Variants in AFF4 observed in about 807,000 individuals in gnomAD.
AFF4 encodes ALF transcription elongation factor 4, also known as AF4/FMR2 family member 4.
In AFF4, 13 loss-of-function variants were observed where a neutral mutation model predicts 124.8. That is an observed-to-expected ratio of 0.10 (90% CI 0.07 to 0.17). The LOEUF (loss-of-function observed/expected upper bound fraction) is 0.17, where lower values mean the gene tolerates loss of function less well. AFF4 is among the 10% of genes least tolerant of loss of function. The pLI is 1.00. For missense variants in AFF4, 1,092 were observed against 1,403.8 expected (o/e 0.78, Z 3.55); for synonymous variants, 477 against 496.1 (o/e 0.96, Z 0.51).
intron 5 of AFF4, among the ~76,000 whole-genome samples, chr5:132,920,690 G>A (rs955578513): frequency 7.2e-5 from 11 of 152,050 alleles, no homozygotes; most frequent in Admixed American, 1.3e-4. Context: ...ATCATGACCC[G>A]TAAAAGAAAA....
chr5:132,958,473 A>C (rs1316066103), intron 1 of AFF4, among the ~76,000 whole-genome samples: 1 of 150,186 alleles, frequency 6.7e-6, no homozygotes, highest in Admixed American at 6.6e-5. Flanking sequence ...CTCAAAAAAA[A>C]AAAAAAAAAA....
At chr5:132,912,063 G>A (rs997511371) in intron 5 of AFF4, among the ~76,000 whole-genome samples, 1 of 150,214 alleles carries the variant, frequency 6.7e-6, no homozygotes, top group Non-Finnish European at 1.5e-5. Flanking sequence ...CCAGATAATA[G>A]TAAAATGGGC....
At chr5:132,943,861 A>G (rs954309918) in intron 1 of AFF4, 3 of 225,108 alleles carry the variant, frequency 1.3e-5, no homozygotes, top group Non-Finnish European at 2.9e-5. Context: ...CACTGCCTGC[A>G]AGTTTCCTGA....
At chr5:132,904,314 T>C (rs964883775) in intron 6 of AFF4, 54 bp downstream of exon 6, 9 of 1,480,912 alleles carry the variant, frequency 6.1e-6, no homozygotes, top group Non-Finnish European at 8.4e-6. Flanking sequence ...CCATGAAAAC[T>C]GAATGTTCAA....
At chr5:132,909,363 G>C (rs1219553999) in intron 5 of AFF4, among the ~76,000 whole-genome samples, 1 of 151,918 alleles carries the variant, frequency 6.6e-6, no homozygotes, top group Non-Finnish European at 1.5e-5. Flanking sequence ...GGCTGGTCTT[G>C]AACTCCTGAT....
In AFF4 at chr5:132,898,360, C is replaced by T. The variant is rs1341482303; in HGVS notation, c.1259G>A (p.Gly420Glu). 2 of 1,614,152 alleles carry T rather than the reference C, an allele frequency of 1.2e-6. No individual in the cohort carries two copies. Among genetic ancestry groups the T allele is most frequent in the African/African-American group, 1.3e-5 (1 of 75,026 alleles). The change falls in exon 10 of 21, where the codon GGA becomes GAA. Residue 420 changes from glycine (G) to glutamate (E), a missense_variant. This residue lies in a region of AFF4 where 148 missense variants were observed against 196.3 expected (regional missense o/e 0.75). Coordinates refer to ENST00000265343, the MANE Select transcript of AFF4 (RefSeq NM_014423.4). ...AGAATCATCCCTGGAGTTATCTGCT[C>T]CTTCACTATTATGGTGTGAAGGTTC... ...NSEPSHHNSE[G>E]ADNSRDDSSS...
At chr5:132,940,287 C>T (rs573873701) in intron 1 of AFF4, among the ~76,000 whole-genome samples, 2 of 151,758 alleles carry the variant, frequency 1.3e-5, no homozygotes, top group Admixed American at 1.3e-4. Flanking sequence ...ATCACAAGGT[C>T]AGGAGATTGA....
chr5:132,928,346 A>G (rs1414695683), intron 4 of AFF4, among the ~76,000 whole-genome samples: 2 of 152,172 alleles, frequency 1.3e-5, no homozygotes, highest in African/African-American at 2.4e-5. Flanking sequence ...ACCTTGCACA[A>G]AGGTCATCAA....
At chr5:132,914,344 T>C (rs1336831641) in intron 5 of AFF4, among the ~76,000 whole-genome samples, 1 of 152,124 alleles carries the variant, frequency 6.6e-6, no homozygotes, top group Non-Finnish European at 1.5e-5. Flanking sequence ...GGCTCACGCC[T>C]GTAATCCCAG....
Position 132,875,935 on chromosome 5 carries a change from A to C in AFF4, c.*5124T>G. ...CTTTCTGCAAAATCAACAGGCTTTTAATTTATCAGTGACATTATCTCCCCT... is the reference window on the plus strand; with the variant it reads ...CTTTCTGCAAAATCAACAGGCTTTTCATTTATCAGTGACATTATCTCCCCT... On this transcript the variant is annotated 3_prime_UTR_variant, in exon 21 of 21. Transcript: ENST00000265343. 1.3e-5 allele frequency: 3 copies of C among 226,302 alleles called. No homozygotes were observed. The East Asian group carries it at 1.9e-4, about 14-fold the overall frequency. The allele number at this position is 226,302 out of a possible 1,614,324, so 14.0% of individuals were successfully genotyped here. A position where few individuals can be genotyped will look rare whatever the true frequency, so the allele number is the denominator to read the frequency against.
At chr5:132,908,341 C>T (rs986854705) in intron 5 of AFF4, among the ~76,000 whole-genome samples, 2 of 151,858 alleles carry the variant, frequency 1.3e-5, no homozygotes, top group African/African-American at 2.4e-5. Context: ...AAAGGTATGA[C>T]GCTAAGATGG....
At chr5:132,882,942 G>C (rs1350645738) in intron 20 of AFF4, among the ~76,000 whole-genome samples, 7 of 151,612 alleles carry the variant, frequency 4.6e-5, no homozygotes. Context: ...TCCAGTATGA[G>C]CATGCTTTCT....
At chr5:132,962,222 T>G (rs1295784505) in intron 1 of AFF4, among the ~76,000 whole-genome samples, 3 of 152,254 alleles carry the variant, frequency 2.0e-5, no homozygotes, top group Non-Finnish European at 4.4e-5. Context: ...GAAACGAAGC[T>G]TTGCGCTTTT....
chr5:132,948,924 A>G lies in AFF4; in HGVS notation c.-4-11731T>C, dbSNP rs1032332918. ...GACCTTATTTACACTTTGATGAATT[A>G]TGTGTGTACTTAACCTAAACTGTGC... On this transcript the variant is annotated intron_variant, in intron 1 of 20. Transcript: ENST00000265343. Among the ~76,000 whole-genome samples the G allele has an allele frequency of 2.0e-5, 3 of 152,066 alleles. No individual in the cohort carries two copies. The South Asian group carries it at 6.2e-4, about 31-fold the overall frequency.
chr5:132,950,785 T>C (rs888906656), intron 1 of AFF4, among the ~76,000 whole-genome samples: 6 of 152,252 alleles, frequency 3.9e-5, no homozygotes, highest in Non-Finnish European at 8.8e-5. Context: ...CGAATCTTCC[T>C]AACAAAGAAC....
In AFF4 at chr5:132,892,474, CTT is replaced by C. The variant is rs1045667129; in HGVS notation, c.2397-72_2397-71del. 1.6e-5 allele frequency: 24 copies of C among 1,522,504 alleles called. 1 individual carries two copies. The East Asian group carries it at 1.6e-4, about 10-fold the overall frequency. The allele number at this position is 1,522,504 out of a possible 1,614,324, so 94.3% of individuals were successfully genotyped here. ...AGGGGTAATTGATTTTTCCATTTCTCTTTGTCTGCTTTCAAGACAAATCTGTT... is the reference window on the plus strand; with the variant it reads ...AGGGGTAATTGATTTTTCCATTTCTCTGTCTGCTTTCAAGACAAATCTGTT... On this transcript the variant is annotated intron_variant, in intron 12 of 20. Transcript: ENST00000265343.
At chr5:132,939,246 G>T (rs1052275969) in intron 1 of AFF4, among the ~76,000 whole-genome samples, 2 of 150,648 alleles carry the variant, frequency 1.3e-5, no homozygotes, top group Non-Finnish European at 3.0e-5. Flanking sequence ...TGTTCTAAGT[G>T]TTTCAGATAT....
chr5:132,921,758 G>A (rs1356700681), intron 5 of AFF4, among the ~76,000 whole-genome samples: 3 of 152,062 alleles, frequency 2.0e-5, no homozygotes, highest in South Asian at 2.1e-4. Context: ...GAGCCACTGC[G>A]CCCAGCATGA....
intron 1 of AFF4, among the ~76,000 whole-genome samples, chr5:132,946,549 C>T (rs939046566): frequency 1.2e-4 from 19 of 152,188 alleles, no homozygotes; most frequent in African/African-American, 2.4e-4. Context: ...AACCTTGAAA[C>T]GTTATGCTAT....
Sources: allele counts gnomAD v4.1 joint callset (sites outside exome capture counted in the v4.1 genomes callset), GRCh38; gene constraint gnomAD v4.1.1; regional missense constraint gnomAD v4.1.1; transcripts MANE v1.5; gene names NCBI Gene and HGNC (gene_info 2026-07-23, HGNC 2026-07-21).